The following TSNARE1 variants were observed in gnomAD, a reference collection of about 807,000 sequenced individuals.
TSNARE1 encodes t-SNARE domain-containing protein 1.
A neutral mutation model predicts 62.0 loss-of-function variants in TSNARE1; 49 were observed. The observed-to-expected ratio is 0.79, with a 90% confidence interval of 0.63 to 1.00. TSNARE1 has a LOEUF of 1.00. Ranked by LOEUF, TSNARE1 falls within the 50% of genes least tolerant of loss-of-function variation. TSNARE1 has a pLI of 0.00. For missense variants in TSNARE1, 755 were observed against 700.1 expected, an observed-to-expected ratio of 1.08 and a Z score of -0.88; for synonymous variants, 328 against 294.4, an observed-to-expected ratio of 1.11 and a Z score of -1.17.
chr8:142,354,497 C>T (rs1834531598), intron 2 of TSNARE1, 140 bp downstream of exon 2: 1 of 621,338 alleles, frequency 1.6e-6, no homozygotes, highest in African/African-American at 1.9e-5. Flanking sequence ...GCTCAGGAAT[C>T]ACACCCCATC....
chr8:142,299,709 C>A (rs1318089784), intron 10 of TSNARE1, among the ~76,000 whole-genome samples: 2 of 152,068 alleles, frequency 1.3e-5, no homozygotes, highest in Non-Finnish European at 2.9e-5. Context: ...CACACGCACT[C>A]ACGCACGCAC....
rs147327157 is a variant in TSNARE1 at position 142,267,264 on chromosome 8, G to T, written c.1446+7517C>A. On this transcript the variant is annotated intron_variant, in intron 12 of 13. Transcript: ENST00000524325. ...TTCTTATTTTGTGGGTATCCCAAAG[G>T]CCTGACTAGGGGATCTTTTCTCCAG... 1.9e-3 allele frequency among the ~76,000 whole-genome samples: 295 copies of T among 152,240 alleles called. 2 individuals are homozygous for T. Among genetic ancestry groups the T allele is most frequent in the African/African-American group, 6.6e-3 (275 of 41,540 alleles).
At chr8:142,224,645 G>C (rs1816686985) in intron 13 of TSNARE1, among the ~76,000 whole-genome samples, 1 of 152,176 alleles carries the variant, frequency 6.6e-6, no homozygotes. Context: ...TCCTGTGAGG[G>C]CCAGGCAGGA....
At chr8:142,314,745 G>A (rs1296530849) in intron 8 of TSNARE1, among the ~76,000 whole-genome samples, 3 of 152,236 alleles carry the variant, frequency 2.0e-5, no homozygotes, top group Admixed American at 1.3e-4. Flanking sequence ...TCAGAGCAGG[G>A]TGAGACTTGT....
At chr8:142,266,984 A>T (rs537017949) in intron 12 of TSNARE1, among the ~76,000 whole-genome samples, 1 of 152,360 alleles carries the variant, frequency 6.6e-6, no homozygotes, top group East Asian at 1.9e-4. Flanking sequence ...TTCATTTCTA[A>T]AAGCCATACT....
intron 13 of TSNARE1, among the ~76,000 whole-genome samples, chr8:142,216,916 A>T (rs535939342): frequency 1.3e-5 from 2 of 152,324 alleles, no homozygotes; most frequent in African/African-American, 4.8e-5. Flanking sequence ...GAGATGAAAC[A>T]GGGAGAGGAG....
At chr8:142,360,832 C>T (rs917992556) in intron 1 of TSNARE1, among the ~76,000 whole-genome samples, 20 of 152,338 alleles carry the variant, frequency 1.3e-4, no homozygotes, top group African/African-American at 4.3e-4. Context: ...ACCGGGCTCC[C>T]GGCTCCAGCT....
intron 1 of TSNARE1, among the ~76,000 whole-genome samples, chr8:142,379,632 C>T (rs1457244408): frequency 2.0e-5 from 3 of 152,178 alleles, no homozygotes; most frequent in African/African-American, 4.8e-5. Context: ...CTCTGCCTGA[C>T]GGGGAGGCGC....
intron 11 of TSNARE1, among the ~76,000 whole-genome samples, chr8:142,281,088 G>A (rs1821369457): frequency 1.3e-5 from 2 of 152,204 alleles, no homozygotes; most frequent in South Asian, 2.1e-4. Context: ...TGTCAGAGCA[G>A]GAGGGACCAG....
chr8:142,329,592 T>C (rs576067456), intron 6 of TSNARE1, among the ~76,000 whole-genome samples: 1 of 152,240 alleles, frequency 6.6e-6, no homozygotes, highest in African/African-American at 2.4e-5. Flanking sequence ...GTTATCTGCA[T>C]CAACAGGGCC....
chr8:142,255,611 C>T (rs62650727), intron 12 of TSNARE1, among the ~76,000 whole-genome samples: 1 of 54,810 alleles, frequency 1.8e-5, no homozygotes, highest in Non-Finnish European at 4.3e-5. Context: ...ATCACCACCA[C>T]CATCACCATC....
At chr8:142,315,233 G>T (rs1161122281) in intron 7 of TSNARE1, 141 bp from the exon 8 acceptor site, 22 of 801,914 alleles carry the variant, frequency 2.7e-5, no homozygotes, top group Admixed American at 2.5e-4. Context: ...TCCCCTCCGT[G>T]TCACCGTCGT....
rs927309115 is a variant in TSNARE1 at position 142,317,272 on chromosome 8, G to A, written c.984+1272C>T. ...TACGCGTGAAGCGGGTATGGCCAGC[G>A]GCTCACACTGTACGCGTGAAGCGGG... On this transcript the variant is annotated intron_variant, in intron 7 of 13. Coordinates refer to ENST00000524325, the MANE Select transcript of TSNARE1 (RefSeq NM_145003.5). Among the ~76,000 whole-genome samples, 34 of 148,136 alleles carry A rather than the reference G, an allele frequency of 2.3e-4. 2 individuals carry two copies. The highest frequency in any genetic ancestry group is 4.2e-4 in the Non-Finnish European group (28 of 67,102).
intron 7 of TSNARE1, among the ~76,000 whole-genome samples, chr8:142,317,967 A>C (rs202028367): frequency 3.9e-4 from 60 of 152,084 alleles, no homozygotes; most frequent in South Asian, 1.0e-3. Flanking sequence ...CAAAAACACA[A>C]AAAAAAATTG....
At chr8:142,277,841 G>C (rs558244865) in intron 11 of TSNARE1, 2 of 985,208 alleles carry the variant, frequency 2.0e-6, no homozygotes, top group African/African-American at 3.5e-5. Flanking sequence ...CAGCCTCCAG[G>C]GCTGAGGACT....
At chr8:142,271,561 T>TG in intron 12 of TSNARE1, 1 of 1,391,956 alleles carries the variant, frequency 7.2e-7, no homozygotes, top group Non-Finnish European at 9.3e-7. Flanking sequence ...GGGAAGCAGG[T>TG]GGGGAGGGTG....
chr8:142,365,873 A>G (rs774172357), intron 1 of TSNARE1: 11 of 444,062 alleles, frequency 2.5e-5, no homozygotes, highest in Admixed American at 1.3e-4. Flanking sequence ...CATTACTAAA[A>G]GAAAGTGAAG....
In TSNARE1 at chr8:142,344,145, C is replaced by T. The variant is rs144961640; in HGVS notation, c.566G>A (p.Arg189Gln). The T allele has an allele frequency of 3.5e-3, 5,602 of 1,613,066 alleles. 13 individuals are homozygous for T. The highest frequency in any genetic ancestry group is 4.4e-3 in the Non-Finnish European group (5,231 of 1,179,816). Residue 189 changes from arginine (R) to glutamine (Q), a missense_variant, in exon 4 of 14, where the codon CGG (arginine) becomes CAG (glutamine). Physicochemically the swap from Arg to Gln is conservative, Grantham distance 43. Coordinates refer to ENST00000524325, the MANE Select transcript of TSNARE1 (RefSeq NM_145003.5). ...RDVVDLKHKW[R>Q]DLRAVVRRKL... The stretch of plus-strand genomic sequence containing the variant: ...GCGCCGCACGACGGCTCGTAGGTCC[C>T]GCCACTTGTGCTTCAGGTCCACAAC...
intron 1 of TSNARE1, among the ~76,000 whole-genome samples, chr8:142,392,919 G>GA (rs1487609945): frequency 6.8e-6 from 1 of 146,858 alleles, no homozygotes; most frequent in Admixed American, 6.9e-5. Context: ...CAGCCTGAGC[G>GA]AAACTCCGTC....
Sources: gnomAD v4.1 joint callset for allele counts (sites outside exome capture counted in the v4.1 genomes callset) on GRCh38, gnomAD v4.1.1 for gene constraint, MANE v1.5 for transcripts, NCBI Gene and HGNC (gene_info 2026-07-23, HGNC 2026-07-21) for gene names.